The following OBSL1 variants were observed in gnomAD, a reference collection of about 807,000 sequenced individuals.
OBSL1 encodes obscurin-like protein 1.
OBSL1 carries 160 observed loss-of-function variants against 172.0 expected under a neutral mutation model. The observed-to-expected ratio is 0.93, with a 90% CI of 0.82 to 1.06. OBSL1 has a LOEUF of 1.06. Among genes scored for constraint, OBSL1 ranks in the 50% least tolerant of loss-of-function variants. OBSL1 has a pLI of 0.00. For missense variants in OBSL1, 2,681 were observed against 2,715.4 expected (o/e 0.99, Z 0.28); for synonymous variants, 1,200 against 1,196.3 (o/e 1.00, Z -0.06).
downstream of OBSL1, chr2:219,547,698 T>C (rs775703279): frequency 1.3e-6 from 2 of 1,569,386 alleles, no homozygotes; most frequent in Admixed American, 3.5e-5. Context: ...GGCCTCTTCC[T>C]GGTGGGGCTG....
At position 219,563,486 on chromosome 2, in the gene OBSL1, C is replaced by T. The variant is rs1050651649; in HGVS notation, c.2549G>A (p.Ser850Asn). The T allele has an allele frequency of 4.3e-6, 7 of 1,613,996 alleles. No individual in the cohort carries two copies. The highest frequency in any genetic ancestry group is 5.9e-6 in the Non-Finnish European group (7 of 1,179,872). The change falls in exon 7 of 21, where the codon AGT becomes AAT. Residue 850 changes from serine (S) to asparagine (N), a missense_variant. By Grantham distance (46) the Ser-to-Asn change is conservative. This residue lies in a region of OBSL1 where 1,765 missense variants were observed against 1,748.3 expected (regional missense o/e 1.01). Transcript: ENST00000404537. Reference protein sequence around the residue: ...WYKDGQEVEESDFVVLENEGP... With the variant: ...WYKDGQEVEENDFVVLENEGP... ...CTCATTCTCCAGCACCACGAAGTCA[C>T]TCTCCTCCACCTCCTGCCCGTCCTT...
In OBSL1 at chr2:219,554,740, G is replaced by C. The variant is rs1438740649; in HGVS notation, c.4610C>G (p.Pro1537Arg). ...AGGCCGCAGCACCCTCAGCTGCCTCGCTGGCCGGGGGAGATGGAGAGAGGG... is the reference window on the plus strand; with the variant it reads ...AGGCCGCAGCACCCTCAGCTGCCTCCCTGGCCGGGGGAGATGGAGAGAGGG... ...DRTLARLSVR[P>R]RQLRVLRPLE... Residue 1537 changes from proline to arginine, a missense_variant and splice_region_variant, in exon 15 of 21, where the codon CCG becomes CGG. Transcript: ENST00000404537. 1.3e-6 allele frequency: 2 copies of C among 1,543,108 alleles called. No individual in the cohort carries two copies. Among genetic ancestry groups the C allele is most frequent in the Non-Finnish European group, 1.8e-6 (2 of 1,140,874 alleles).
rs1241073694 is a variant in OBSL1 at position 219,570,239 on chromosome 2, C to A, written c.994G>T (p.Val332Leu). The A allele has an allele frequency of 6.4e-7, 1 of 1,572,544 alleles. No homozygotes were observed. Among genetic ancestry groups the A allele is most frequent in the Admixed American group, 1.7e-5 (1 of 57,482 alleles). ...RNSAGQTLSAVQLHVKEPRLR... is the reference protein window; with the variant it reads ...RNSAGQTLSALQLHVKEPRLR... The stretch of plus-strand genomic sequence containing the variant: ...GCCGTACCTTTCACGTGCAGCTGCA[C>A]GGCACTGAGCGTCTGGCCCGCCGAG... Residue 332 changes from valine to leucine, a missense_variant, in exon 1 of 21, where the codon GTG becomes TTG. By Grantham distance (32) the Val-to-Leu change is conservative (BLOSUM62 1). Coordinates refer to ENST00000404537, the MANE Select transcript of OBSL1 (RefSeq NM_015311.3).
chr2:219,554,901 T>A (rs972854933), intron 14 of OBSL1, 161 bp from the exon 15 acceptor site: 12 of 692,916 alleles, frequency 1.7e-5, no homozygotes, highest in Non-Finnish European at 2.8e-5. Context: ...AGGAGCACGG[T>A]GGACAGATTT....
chr2:219,565,513 C>T lies in OBSL1; in HGVS notation c.2136G>A (p.Glu712=). 6.2e-7 allele frequency: 1 copy of T among 1,605,478 alleles called. No individual in the cohort carries two copies. The highest frequency in any genetic ancestry group is 1.3e-5 in the African/African-American group (1 of 75,058). The change falls in exon 6 of 21, where the codon GAG becomes GAA. Residue 712 remains glutamate, a splice_region_variant and synonymous_variant. Transcript: ENST00000404537. ...GGGGGCTCAGGATGTGCACCGGGCT[C>T]TCTGTGTGGGGAGAAGTACAGATAA... The part of the protein sequence containing the change: ...VQDSAALTIQ[E]SPVHILSPQD...
chr2:219,562,504 T>A lies in OBSL1; in HGVS notation c.2851A>T (p.Thr951Ser). 2 of 1,613,952 alleles carry A rather than the reference T, an allele frequency of 1.2e-6. No individual in the cohort carries two copies. Among genetic ancestry groups the A allele is most frequent in the Non-Finnish European group, 1.7e-6 (2 of 1,179,854 alleles). ...GCGGGCAGCACCAGGCGGCGGACAG[T>A]GTCTTCCTTCTGCAGGAGCAGCGCG... ...SPALLLQKED[T>S]VRRLVLPAVQ... The change falls in exon 8 of 21, where the codon ACT (threonine) becomes TCT (serine). Residue 951 changes from threonine to serine, a missense_variant. Physicochemically the swap from Thr to Ser is moderately conservative, Grantham distance 58 (BLOSUM62 1). Around this residue, in one of 5 missense-constraint regions of OBSL1, gnomAD observed 1,765 missense variants for 1,748.3 expected, o/e 1.01. Coordinates refer to ENST00000404537, the MANE Select transcript of OBSL1 (RefSeq NM_015311.3).
chr2:219,547,504 A>C, downstream of OBSL1: 2 of 1,413,260 alleles, frequency 1.4e-6, no homozygotes, highest in Non-Finnish European at 1.9e-6. Context: ...GTTCCCCTCC[A>C]GGTTACCGCT....
In OBSL1 at chr2:219,565,248, C is replaced by T. The variant is rs759619585; in HGVS notation, c.2401G>A (p.Val801Ile). 6.2e-6 allele frequency: 10 copies of T among 1,609,046 alleles called. 1 individual carries two copies. In the Middle Eastern group the frequency reaches 8.3e-4, roughly 133 times the overall value. The change falls in exon 6 of 21, where the codon GTC becomes ATC. Residue 801 changes from valine (V) to isoleucine (I), a missense_variant. Physicochemically the swap from Val to Ile is conservative, Grantham distance 29. Around this residue, in one of 5 missense-constraint regions of OBSL1, gnomAD observed 1,765 missense variants for 1,748.3 expected, o/e 1.01. Coordinates refer to ENST00000404537, the MANE Select transcript of OBSL1 (RefSeq NM_015311.3). ...EGVSAFFGVT[V>I]QDPPVHIVDP... ...GGCTGGCATGCTTCCTGACCTTGGA[C>T]AGTGACGCCGAAGAAGGCCGAGACC... is the stretch of plus-strand genomic sequence containing the variant.
Position 219,563,275 on chromosome 2 carries a change from G to C in OBSL1, c.2680+80C>G, listed in dbSNP as rs891786229. 5 of 1,396,358 alleles carry C rather than the reference G, an allele frequency of 3.6e-6. No individual in the cohort carries two copies. In the African/African-American group the frequency reaches 4.4e-5, roughly 12 times the overall value. 86.5% of individuals were successfully genotyped at this position (1,396,358 alleles called of 1,614,324 possible). A position where few individuals can be genotyped will look rare whatever the true frequency, so the allele number is the denominator to read the frequency against. On this transcript the variant is annotated intron_variant, in intron 7 of 20. Coordinates refer to ENST00000404537, the MANE Select transcript of OBSL1 (RefSeq NM_015311.3). ...CAGTAGGGGCGGGGAACAGTGGCCT[G>C]GGAGTGAAGGTGTGGCAGCTGTTCC...
At chr2:219,549,562 T>G (rs1234960558), downstream of OBSL1, among the ~76,000 whole-genome samples, 16 of 152,042 alleles carry the variant, frequency 1.1e-4, no homozygotes, top group Non-Finnish European at 1.5e-5. Context: ...AGTATGGGTT[T>G]TAAGTGGGAT....
At position 219,568,297 on chromosome 2, in the gene OBSL1, A is replaced by G. The variant is rs1222148229; in HGVS notation, c.1040T>C (p.Leu347Pro). Residue 347 changes from leucine (L) to proline (P), a missense_variant, in exon 2 of 21, where the codon CTG becomes CCG. Leu to Pro is a moderately conservative substitution (Grantham distance 98). Coordinates refer to ENST00000404537, the MANE Select transcript of OBSL1 (RefSeq NM_015311.3). The surrounding 1 kb of genome is among the most constrained non-coding windows in gnomAD (Gnocchi z 4.1). Reference protein sequence around the residue: ...KEPRLRFTRPLQDVEGREHGI... With the variant: ...KEPRLRFTRPPQDVEGREHGI... ...GTGCTCACGGCCCTCCACGTCCTGC[A>G]GGGGCCGTGTGAACCGGAGGCGGGG... The G allele has an allele frequency of 1.9e-5, 30 of 1,607,380 alleles. No homozygotes were observed. Among genetic ancestry groups the G allele is most frequent in the Non-Finnish European group, 2.5e-5 (29 of 1,177,184 alleles).
At chr2:219,547,410 G>C, downstream of OBSL1, 1 of 1,005,950 alleles carries the variant, frequency 9.9e-7, no homozygotes. Flanking sequence ...TTTGTCTCTG[G>C]TTCCCCTGGG....
At chr2:219,559,031 C>T (rs941998859) in intron 9 of OBSL1, 194 bp downstream of exon 9, 1 of 573,940 alleles carries the variant, frequency 1.7e-6, no homozygotes, top group Non-Finnish European at 3.1e-6. Context: ...ACGAATGGTT[C>T]TAATTGCTGG....
downstream of OBSL1, chr2:219,549,910 T>C: frequency 1.3e-6 from 2 of 1,583,598 alleles, no homozygotes; most frequent in Non-Finnish European, 1.7e-6. Flanking sequence ...CGAGGAGGCC[T>C]GCTAGGCTGC....
chr2:219,555,949 G>A lies in OBSL1; in HGVS notation c.4609+71C>T, dbSNP rs760415326. 5 of 1,563,992 alleles carry A rather than the reference G, an allele frequency of 3.2e-6. No individual in the cohort carries two copies. In the African/African-American group the frequency reaches 6.7e-5, roughly 21 times the overall value. On this transcript the variant is annotated intron_variant, in intron 14 of 20. Coordinates refer to ENST00000404537, the MANE Select transcript of OBSL1 (RefSeq NM_015311.3). ...AGGGGCACTTTGGTGGGGGCCTGAG[G>A]GACTCCAGGACAGCCAGAAAAGGCT...
Position 219,553,617 on chromosome 2 carries a change from T to C in OBSL1, c.4946A>G (p.Glu1649Gly), listed in dbSNP as rs1264340066. 6.2e-7 allele frequency: 1 copy of C among 1,613,902 alleles called. No homozygotes were observed. The highest frequency in any genetic ancestry group is 8.5e-7 in the Non-Finnish European group (1 of 1,179,886). Residue 1649 changes from glutamate (E) to glycine (G), a missense_variant, in exon 16 of 21, where the codon GAG becomes GGG. Transcript: ENST00000404537. ...EVTEGDTATF[E>G]CELSQALADV... ...AGCCAAAGCTTGGGAAAGCTCGCAC[T>C]CGAACGTAGCTGTGTCGCCCTCGGT... is the stretch of plus-strand genomic sequence containing the variant.
intron 8 of OBSL1, chr2:219,561,709 C>G: frequency 1.6e-6 from 1 of 616,604 alleles, no homozygotes; most frequent in Non-Finnish European, 2.9e-6. Context: ...GTACTTATCA[C>G]CAGGTGTCAC....
At chr2:219,547,366 C>T, downstream of OBSL1, 1 of 661,898 alleles carries the variant, frequency 1.5e-6, no homozygotes, top group Non-Finnish European at 2.3e-6. Context: ...GCCGTCATGA[C>T]TCCAGTGACC....
chr2:219,557,474 T>C lies in OBSL1; in HGVS notation c.3935A>G (p.Gln1312Arg), dbSNP rs1233080163. 1.9e-6 allele frequency: 3 copies of C among 1,552,276 alleles called. No individual in the cohort carries two copies. Among genetic ancestry groups the C allele is most frequent in the African/African-American group, 2.7e-5 (2 of 73,152 alleles). Reference protein sequence around the residue: ...WYKDGERLASQGRVQLEQAGA... With the variant: ...WYKDGERLASRGRVQLEQAGA... ...GGCCTGCTCCAGCTGCACCCGCCCC[T>C]GGCTTGCCAGTCGCTCCCCGTCCTT... The change falls in exon 12 of 21, where the codon CAG becomes CGG. Residue 1312 changes from glutamine to arginine, a missense_variant. Physicochemically the swap from Gln to Arg is conservative, Grantham distance 43. Transcript: ENST00000404537.
Sources: allele counts gnomAD v4.1 joint callset (sites outside exome capture counted in the v4.1 genomes callset), GRCh38; gene constraint gnomAD v4.1.1; regional missense constraint gnomAD v4.1.1; non-coding constraint Gnocchi (gnomAD v3.1); transcripts MANE v1.5; gene names NCBI Gene and HGNC (gene_info 2026-07-23, HGNC 2026-07-21).